The following P2RX6 variants were observed in gnomAD, a reference collection of about 807,000 sequenced individuals.
P2RX6 encodes the protein purinergic receptor P2X 6.
P2RX6 carries 62 observed loss-of-function variants against 54.2 expected under a neutral mutation model. That is an observed-to-expected ratio of 1.14 (90% CI 0.93 to 1.41). P2RX6 has a LOEUF of 1.41. P2RX6 is among the 40% of genes most tolerant of loss of function. The pLI, the probability that P2RX6 is intolerant of heterozygous loss-of-function variation, is 0.00. For synonymous variants in P2RX6, 211 were observed against 231.9 expected, an observed-to-expected ratio of 0.91 and a Z score of 0.82; for missense variants, 541 against 566.3, an observed-to-expected ratio of 0.96 and a Z score of 0.45.
chr22:21,010,967 C>A (rs1181433406), upstream of P2RX6, among the ~76,000 whole-genome samples: 3 of 151,978 alleles, frequency 2.0e-5, no homozygotes, highest in South Asian at 2.1e-4. Context: ...CCACCCTGCA[C>A]ATTTCAGCTT....
At position 21,026,563 on chromosome 22, in the gene P2RX6, AT is replaced by A; in HGVS notation, c.1273del (p.Trp425GlyfsTer54). The part of the protein sequence containing the change: ...AAGSQTQTPG[W>X]PCPSSDTHLP... ...CTGGGAGTCAGACACAGACACCAGG[AT>A]GGCCCTGTCCAAGTTCTGACACCCA... On this transcript the variant is annotated frameshift_variant, in exon 12 of 12. Coordinates refer to ENST00000413302, the MANE Select transcript of P2RX6 (RefSeq NM_005446.5). LOFTEE classifies it high-confidence loss of function. This position sits in a 1 kb window ranked among gnomAD's most constrained non-coding sequence, Gnocchi z 4.0. 8 of 1,591,388 alleles carry A rather than the reference AT, an allele frequency of 5.0e-6. No homozygotes were observed. Among genetic ancestry groups the A allele is most frequent in the East Asian group, 2.3e-5 (1 of 43,558 alleles).
At chr22:21,022,897 G>A (rs1414076077) in intron 4 of P2RX6, 45 bp from the exon 5 acceptor site, 3 of 1,566,698 alleles carry the variant, frequency 1.9e-6, no homozygotes, top group Non-Finnish European at 2.6e-6. Context: ...GCCTCCCCAG[G>A]CCTGCAGAGA....
chr22:21,023,088 C>G, intron 5 of P2RX6, 30 bp from the exon 6 acceptor site: 1 of 1,612,512 alleles, frequency 6.2e-7, no homozygotes, highest in Non-Finnish European at 8.5e-7. Context: ...CCAGGCCTGG[C>G]AGAGGCTGTC....
At chr22:21,014,087 TCTAGGTCGGAGTCTGAATCGGC>T (rs370083179), upstream of P2RX6, 2,366 of 154,232 alleles carry the variant, frequency 0.015, 64 homozygotes, top group African/African-American at 0.053. Context: ...ACCTTCCGTC[TCTAGGTCGGAGTCTGAATCGGC>T]CTTGGGACCC....
chr22:21,022,227 A>G (rs1927526577), intron 3 of P2RX6, among the ~76,000 whole-genome samples: 1 of 152,202 alleles, frequency 6.6e-6, no homozygotes, highest in Non-Finnish European at 1.5e-5. Context: ...TTAAAAAATC[A>G]GCCAGGCACA....
chr22:21,018,445 G>A (rs767222980), intron 3 of P2RX6: 5 of 313,772 alleles, frequency 1.6e-5, no homozygotes, highest in Non-Finnish European at 1.2e-5. Flanking sequence ...CCAGAGCTGC[G>A]CACATGCTCA....
At chr22:21,022,159 G>C (rs1393350528) in intron 3 of P2RX6, among the ~76,000 whole-genome samples, 4 of 152,080 alleles carry the variant, frequency 2.6e-5, no homozygotes, top group Non-Finnish European at 5.9e-5. Context: ...CTTGAGGCCA[G>C]GAGTTAAAAA....
intron 8 of P2RX6, among the ~76,000 whole-genome samples, chr22:21,024,878 GTTTTTTTTTTT>G (rs562371289): frequency 1.3e-4 from 14 of 110,758 alleles, no homozygotes; most frequent in Non-Finnish European, 2.2e-4. Context: ...TTTTTTTTGT[GTTTTTTTTTTT>G]TTTTTTTTTA....
At chr22:21,016,706 G>T (rs77238946) in intron 2 of P2RX6, among the ~76,000 whole-genome samples, 3,430 of 152,070 alleles carry the variant, frequency 0.023, 87 homozygotes, top group African/African-American at 0.066. Flanking sequence ...AGGTGCTGGG[G>T]CATGGAACTT....
intron 1 of P2RX6, among the ~76,000 whole-genome samples, chr22:21,015,593 A>G (rs1182886038): frequency 6.6e-6 from 1 of 152,084 alleles, no homozygotes; most frequent in Non-Finnish European, 1.5e-5. Flanking sequence ...CACATGACAT[A>G]GTCCTTAACA....
At chr22:21,015,911 C>G (rs527907078) in intron 1 of P2RX6, 31 bp from the exon 2 acceptor site, 773 of 1,547,024 alleles carry the variant, frequency 5.0e-4, no homozygotes, top group Non-Finnish European at 6.3e-4. Flanking sequence ...ACGCTGGGGA[C>G]ACACCACACT....
chr22:21,018,087 G>C, intron 3 of P2RX6, 27 bp downstream of exon 3: 1 of 1,540,292 alleles, frequency 6.5e-7, no homozygotes, highest in Non-Finnish European at 8.9e-7. Context: ...TCCTCCCAGC[G>C]GGTCCCTTGT....
Position 21,018,035 on chromosome 22 carries a change from C to T in P2RX6, c.362C>T (p.Ala121Val). The T allele has an allele frequency of 1.9e-6, 3 of 1,613,002 alleles. No homozygotes were observed. Among genetic ancestry groups the T allele is most frequent in the Non-Finnish European group, 2.5e-6 (3 of 1,179,216 alleles). The change falls in exon 3 of 12, where the codon GCC becomes GTC. Residue 121 changes from alanine (A) to valine (V), a missense_variant. Ala to Val is a moderately conservative substitution (Grantham distance 64). Transcript: ENST00000413302. Reference protein sequence around the residue: ...FLVTNFLVTPAQVQGRCPEHP... With the variant: ...FLVTNFLVTPVQVQGRCPEHP... The stretch of plus-strand genomic sequence containing the variant: ...GTGACCAACTTCCTTGTGACGCCAG[C>T]CCAAGTTCAGGGCAGATGCCCAGAG...
At position 21,026,482 on chromosome 22, in the gene P2RX6, C is replaced by G; in HGVS notation, c.1191C>G (p.Ala397=). ...GGGAGCTGGCCCTTGCATCCCAAGC[C>G]CGACTGGCCGAGTGCCTCAGACGGA... is the stretch of plus-strand genomic sequence containing the variant. The part of the protein sequence containing the change: ...VWRELALASQ[A]RLAECLRRSS... Residue 397 remains alanine (A), a synonymous_variant, in exon 12 of 12, where the codon GCC becomes GCG. Coordinates refer to ENST00000413302, the MANE Select transcript of P2RX6 (RefSeq NM_005446.5). The surrounding 1 kb of genome is among the most constrained non-coding windows in gnomAD (Gnocchi z 4.0). 3.7e-6 allele frequency: 6 copies of G among 1,600,468 alleles called. No homozygotes were observed. The highest frequency in any genetic ancestry group is 5.1e-6 in the Non-Finnish European group (6 of 1,174,166).
chr22:21,010,047 C>G (rs1228043901), intron 1 of P2RX6: 4 of 152,376 alleles, frequency 2.6e-5, no homozygotes, highest in South Asian at 2.1e-4. Flanking sequence ...TCTGTGTGAC[C>G]CTTGCAGCCA....
chr22:21,016,833 TCTG>T (rs1438313071), intron 2 of P2RX6, among the ~76,000 whole-genome samples: 2 of 152,082 alleles, frequency 1.3e-5, no homozygotes, highest in African/African-American at 2.4e-5. Context: ...AACTGCCACT[TCTG>T]CTCCTCTGAT....
rs374022935 is a variant in P2RX6 at position 21,023,095 on chromosome 22, T to C, written c.558-23T>C. ...GCAGGGCCCCAGGCCTGGCAGAGGC[T>C]GTCACCTCCCTTCCACCTGCAGGAG... On this transcript the variant is annotated intron_variant, in intron 5 of 11. Transcript: ENST00000413302. 116 of 1,613,246 alleles carry C rather than the reference T, an allele frequency of 7.2e-5. No homozygotes were observed. In the African/African-American group the frequency reaches 1.3e-3, roughly 18 times the overall value.
chr22:21,019,927 G>A (rs756651822), intron 3 of P2RX6, among the ~76,000 whole-genome samples: 21 of 152,220 alleles, frequency 1.4e-4, no homozygotes, highest in Non-Finnish European at 2.4e-4. Context: ...GCGGTTTTCC[G>A]CCCTGGGTGG....
Position 21,023,505 on chromosome 22 carries a change from G to A in P2RX6, c.781-4G>A. 6.2e-7 allele frequency: 1 copy of A among 1,613,720 alleles called. No homozygotes were observed. The highest frequency in any genetic ancestry group is 1.3e-5 in the African/African-American group (1 of 75,020). On this transcript the variant is annotated splice_polypyrimidine_tract_variant and splice_region_variant and intron_variant, in intron 7 of 11. Transcript: ENST00000413302. ...CCGGTGGAAAAGCTATGTGCTATGT[G>A]CAGGGTGGCTCTGTAGGCATCAGAG...
Sources: allele counts gnomAD v4.1 joint callset (sites outside exome capture counted in the v4.1 genomes callset), GRCh38; gene constraint gnomAD v4.1.1; non-coding constraint Gnocchi (gnomAD v3.1); transcripts MANE v1.5; gene names NCBI Gene and HGNC (gene_info 2026-07-23, HGNC 2026-07-21).